The following ZNF207 variants were observed in gnomAD, a reference collection of about 807,000 sequenced individuals.
The protein encoded by ZNF207 is zinc finger protein 207.
In ZNF207, 24 loss-of-function variants were observed where a neutral mutation model predicts 60.2. The observed-to-expected ratio is 0.40, with a 90% confidence interval of 0.29 to 0.56. The LOEUF (loss-of-function observed/expected upper bound fraction) is 0.56. Ranked by LOEUF, ZNF207 falls within the 20% of genes least tolerant of loss-of-function variation. ZNF207 has a pLI of 0.49. For synonymous variants in ZNF207, 236 were observed against 194.7 expected, an observed-to-expected ratio of 1.21 and a Z score of -1.77; for missense variants, 452 against 636.6, an observed-to-expected ratio of 0.71 and a Z score of 3.12.
intron 7 of ZNF207, among the ~76,000 whole-genome samples, chr17:32,364,549 G>T (rs1248899492): frequency 6.6e-6 from 1 of 151,788 alleles, no homozygotes; most frequent in East Asian, 1.9e-4. Flanking sequence ...TAATAGAGAT[G>T]GGGTTTCACC....
Position 32,373,522 on chromosome 17 carries a change from C to A in ZNF207, c.*3763C>A. ...TTATGGCTGTTGGATATTTATGTCC[C>A]CAAACTTGCAGCAAGTTTGGTGAAG... On this transcript the variant is annotated 3_prime_UTR_variant, in exon 12 of 12. Coordinates refer to ENST00000394670, the MANE Select transcript of ZNF207 (RefSeq NM_001098507.2). 2.1e-6 allele frequency: 1 copy of A among 469,536 alleles called. No homozygotes were observed. Among genetic ancestry groups the A allele is most frequent in the Non-Finnish European group, 3.8e-6 (1 of 261,062 alleles). The allele number at this position is 469,536 out of a possible 1,614,324, so 29.1% of individuals were successfully genotyped here. A position where few individuals can be genotyped will look rare whatever the true frequency, so the allele number is the denominator to read the frequency against.
chr17:32,360,184 C>CT (rs1034797393), intron 3 of ZNF207, among the ~76,000 whole-genome samples: 8 of 112,994 alleles, frequency 7.1e-5, no homozygotes, highest in African/African-American at 2.3e-4. Flanking sequence ...TTACCCCCCC[C>CT]CCAAAAAAAA....
chr17:32,365,211 C>T, intron 7 of ZNF207, 119 bp from the exon 8 acceptor site: 1 of 1,128,922 alleles, frequency 8.9e-7, no homozygotes, highest in Non-Finnish European at 1.2e-6. Context: ...TGCCTAAGTT[C>T]CTTGGATTTA....
chr17:32,366,124 C>T lies in ZNF207; in HGVS notation c.829-541C>T, dbSNP rs549657641. Among the ~76,000 whole-genome samples, 5 of 152,230 alleles carry T rather than the reference C, an allele frequency of 3.3e-5. No homozygotes were observed. In the East Asian group the frequency reaches 9.6e-4, roughly 29 times the overall value. On this transcript the variant is annotated intron_variant, in intron 8 of 11. Coordinates refer to ENST00000394670, the MANE Select transcript of ZNF207 (RefSeq NM_001098507.2). The stretch of plus-strand genomic sequence containing the variant: ...GAAGCAGATTCAGATTTAATTTATT[C>T]AGAATTTAGATCGGGATGTATGTTT...
chr17:32,361,344 T>C (rs1302765804), intron 5 of ZNF207, 124 bp from the exon 6 acceptor site: 2 of 699,040 alleles, frequency 2.9e-6, no homozygotes, highest in African/African-American at 3.6e-5. Flanking sequence ...CTAAAATGAA[T>C]ATGAGGTGCT....
At position 32,378,450 on chromosome 17, in the gene ZNF207, T is replaced by C. The variant is rs1347089052; in HGVS notation, c.*8691T>C. On this transcript the variant is annotated 3_prime_UTR_variant, in exon 12 of 12. Transcript: ENST00000394670. Reference sequence around the variant, plus strand: ...CATAAGCTAGAATATGTTTTTATAATGCTTTTTTGTTCTTTTAGCAACACT... The same window carrying C: ...CATAAGCTAGAATATGTTTTTATAACGCTTTTTTGTTCTTTTAGCAACACT... 2 of 152,096 alleles carry C rather than the reference T, an allele frequency of 1.3e-5. No homozygotes were observed. The highest frequency in any genetic ancestry group is 4.8e-5 in the African/African-American group (2 of 41,458). 9.4% of individuals were successfully genotyped at this position (152,096 alleles called of 1,614,324 possible).
In ZNF207 at chr17:32,377,859, T is replaced by C. The variant is rs994599119; in HGVS notation, c.*8100T>C. 6.6e-6 allele frequency: 1 copy of C among 152,440 alleles called. No homozygotes were observed. The highest frequency in any genetic ancestry group is 1.5e-5 in the Non-Finnish European group (1 of 67,876). The allele number at this position is 152,440 out of a possible 1,614,324, so 9.4% of individuals were successfully genotyped here. On this transcript the variant is annotated 3_prime_UTR_variant, in exon 12 of 12. Transcript: ENST00000394670. ...GAGGAAATTTAATGCACATTGACTT[T>C]TTAAACTATGGATTGAACTCCTCAG...
chr17:32,350,537 CTG>C (rs2041481934), intron 1 of ZNF207, among the ~76,000 whole-genome samples: 1 of 152,082 alleles, frequency 6.6e-6, no homozygotes, highest in South Asian at 2.1e-4. Context: ...TCGTGTGACT[CTG>C]TGACTCAGGA....
chr17:32,353,437 T>C (rs1172731671), intron 2 of ZNF207, among the ~76,000 whole-genome samples: 1 of 151,954 alleles, frequency 6.6e-6, no homozygotes, highest in Admixed American at 6.6e-5. Context: ...TAAAGATAAA[T>C]TTATATAGAT....
intron 1 of ZNF207, chr17:32,350,953 C>G (rs1228024725): frequency 6.6e-6 from 1 of 151,236 alleles, no homozygotes; most frequent in Non-Finnish European, 1.5e-5. Flanking sequence ...TGTTACCCAA[C>G]TTTGTAGGAC....
chr17:32,360,882 T>G lies in ZNF207; in HGVS notation c.476-10T>G. On this transcript the variant is annotated splice_polypyrimidine_tract_variant and intron_variant, in intron 4 of 11. Transcript: ENST00000394670. ...TTTGTTATTATTTTGATTGAAATTC[T>G]TGCTTGTAGGCATACCTCCATTAAT... The G allele has an allele frequency of 6.2e-7, 1 of 1,614,046 alleles. No individual in the cohort carries two copies. The highest frequency in any genetic ancestry group is 8.5e-7 in the Non-Finnish European group (1 of 1,179,942).
At chr17:32,362,699 T>A (rs1414382343) in intron 6 of ZNF207, 7 of 418,190 alleles carry the variant, frequency 1.7e-5, no homozygotes, top group African/African-American at 6.1e-5. Flanking sequence ...ATTTTTTTTT[T>A]ATTGGTAAAC....
chr17:32,364,562 G>T (rs1905073183), intron 7 of ZNF207, among the ~76,000 whole-genome samples: 2 of 151,850 alleles, frequency 1.3e-5, no homozygotes, highest in South Asian at 4.1e-4. Context: ...GTTTCACCAT[G>T]TTGGTCAGGC....
chr17:32,363,024 C>T (rs945862691), intron 7 of ZNF207, 40 bp downstream of exon 7: 3 of 1,562,314 alleles, frequency 1.9e-6, no homozygotes, highest in African/African-American at 2.8e-5. Context: ...GATGTACAGG[C>T]TTTATTTCTA....
chr17:32,359,993 A>C (rs2150793946), intron 3 of ZNF207, among the ~76,000 whole-genome samples: 1 of 152,270 alleles, frequency 6.6e-6, no homozygotes, highest in Non-Finnish European at 1.5e-5. Context: ...GACATACTTG[A>C]TTTGTATATA....
At position 32,370,459 on chromosome 17, in the gene ZNF207, T is replaced by C. The variant is rs1005906410; in HGVS notation, c.*700T>C. 1.3e-5 allele frequency: 2 copies of C among 152,498 alleles called. No individual in the cohort carries two copies. The highest frequency in any genetic ancestry group is 4.8e-5 in the African/African-American group (2 of 41,462). The allele number at this position is 152,498 out of a possible 1,614,324, so 9.4% of individuals were successfully genotyped here. ...CATAGTTACCAATGCAGTTTTGATA[T>C]ATCATTGGATTCTGTCTTTGAGTTG... is the stretch of plus-strand genomic sequence containing the variant. On this transcript the variant is annotated 3_prime_UTR_variant, in exon 12 of 12. Transcript: ENST00000394670.
At chr17:32,366,301 A>AT (rs1905159095) in intron 8 of ZNF207, among the ~76,000 whole-genome samples, 2 of 145,998 alleles carry the variant, frequency 1.4e-5, no homozygotes, top group Admixed American at 1.3e-4. Flanking sequence ...GTATTGAGAG[A>AT]TGTAAAACTT....
chr17:32,360,068 T>G lies in ZNF207; in HGVS notation c.308-530T>G, dbSNP rs191060953. Among the ~76,000 whole-genome samples the G allele has an allele frequency of 4.4e-3, 672 of 152,038 alleles. 2 individuals carry two copies. Among genetic ancestry groups the G allele is most frequent in the Non-Finnish European group, 7.3e-3 (496 of 68,014 alleles). Reference sequence around the variant, plus strand: ...ATTCATAATTGAATTCCAAATAGAATTAGCAAGTGTTAAGGCATATGAAAA... The same window carrying G: ...ATTCATAATTGAATTCCAAATAGAAGTAGCAAGTGTTAAGGCATATGAAAA... On this transcript the variant is annotated intron_variant, in intron 3 of 11. Coordinates refer to ENST00000394670, the MANE Select transcript of ZNF207 (RefSeq NM_001098507.2).
chr17:32,363,064 A>G lies in ZNF207; in HGVS notation c.670+80A>G, dbSNP rs578142518. On this transcript the variant is annotated intron_variant, in intron 7 of 11. Coordinates refer to ENST00000394670, the MANE Select transcript of ZNF207 (RefSeq NM_001098507.2). ...TTTTTAGACGTCTGTGGGCATTAGT[A>G]TAATGAAATTTAAAAATTTTTGAAA... The G allele has an allele frequency of 1.7e-5, 22 of 1,322,300 alleles. No homozygotes were observed. In the African/African-American group the frequency reaches 2.4e-4, roughly 14 times the overall value. 81.9% of individuals were successfully genotyped at this position (1,322,300 alleles called of 1,614,324 possible).
Sources: allele counts gnomAD v4.1 joint callset (sites outside exome capture counted in the v4.1 genomes callset), GRCh38; gene constraint gnomAD v4.1.1; transcripts MANE v1.5; gene names NCBI Gene and HGNC (gene_info 2026-07-23, HGNC 2026-07-21).